Variants in SGCZ observed in about 807,000 individuals in gnomAD.
SGCZ encodes the protein sarcoglycan zeta.
Under a neutral mutation model 41.3 loss-of-function variants are expected in SGCZ, and 40 were observed. The ratio of observed to expected loss-of-function variants is 0.97; its 90% CI spans 0.75 to 1.26. SGCZ has a LOEUF of 1.26. Ranked by LOEUF, SGCZ falls within the 50% of genes most tolerant of loss-of-function variation. The pLI, the probability that SGCZ is intolerant of heterozygous loss-of-function variation, is 0.00. For synonymous variants in SGCZ, 206 were observed against 137.5 expected (o/e 1.50, Z -3.49); for missense variants, 552 against 369.8 (o/e 1.49, Z -4.04).
chr8:14,274,491 G>T (rs1274772480), intron 3 of SGCZ, among the ~76,000 whole-genome samples: 1 of 152,126 alleles, frequency 6.6e-6, no homozygotes, highest in East Asian at 1.9e-4. Flanking sequence ...ACAAGTTTAG[G>T]TTATAAAGAA....
chr8:14,231,593 G>C (rs1806574354), intron 4 of SGCZ, among the ~76,000 whole-genome samples: 1 of 151,720 alleles, frequency 6.6e-6, no homozygotes, highest in African/African-American at 2.4e-5. Flanking sequence ...CAATAAACAT[G>C]CTCTGTTCAT....
intron 2 of SGCZ, among the ~76,000 whole-genome samples, chr8:14,551,269 G>A (rs1803800502): frequency 1.4e-5 from 2 of 143,760 alleles, no homozygotes; most frequent in Non-Finnish European, 3.0e-5. Context: ...GAGTGTTGAC[G>A]CTAGAAAAGA....
At chr8:14,643,659 T>A (rs1807100319) in intron 1 of SGCZ, among the ~76,000 whole-genome samples, 2 of 151,688 alleles carry the variant, frequency 1.3e-5, no homozygotes, top group South Asian at 2.1e-4. Context: ...AACAGGAGCA[T>A]CACTAAAAGT....
In SGCZ at chr8:14,360,916, G is replaced by C. The variant is rs549890295; in HGVS notation, c.235-36712C>G. Among the ~76,000 whole-genome samples, 13 of 152,220 alleles carry C rather than the reference G, an allele frequency of 8.5e-5. No individual in the cohort carries two copies. In the South Asian group the frequency reaches 2.5e-3, roughly 29 times the overall value. ...TTCCACATTCTCACCAACAAGGGAC[G>C]AGTGATCTAGTTTTTCCGCAAGCTC... is the stretch of plus-strand genomic sequence containing the variant. On this transcript the variant is annotated intron_variant, in intron 2 of 7. Transcript: ENST00000382080.
chr8:14,585,092 T>G (rs1407271057), intron 1 of SGCZ, among the ~76,000 whole-genome samples: 2 of 152,218 alleles, frequency 1.3e-5, no homozygotes, highest in African/African-American at 2.4e-5. Context: ...TCTGAAAAGG[T>G]CAATACTTAA....
chr8:15,178,388 T>G (rs1241561331), intron 1 of SGCZ, among the ~76,000 whole-genome samples: 1 of 152,090 alleles, frequency 6.6e-6, no homozygotes, highest in African/African-American at 2.4e-5. Flanking sequence ...CCCATTTAAT[T>G]TCTCTAAGCC....
chr8:15,114,221 G>C (rs1162331544), intron 1 of SGCZ, among the ~76,000 whole-genome samples: 1 of 152,136 alleles, frequency 6.6e-6, no homozygotes, highest in Non-Finnish European at 1.5e-5. Context: ...TAATCATTTT[G>C]TAGGTAAAAG....
chr8:14,935,408 G>T (rs1426782675), intron 1 of SGCZ, among the ~76,000 whole-genome samples: 1 of 151,604 alleles, frequency 6.6e-6, no homozygotes, highest in Admixed American at 6.6e-5. Context: ...CCTGTTGAAG[G>T]ACATCTGGGT....
intron 1 of SGCZ, among the ~76,000 whole-genome samples, chr8:15,087,240 C>T (rs565080215): frequency 3.1e-4 from 47 of 152,098 alleles, no homozygotes; most frequent in Admixed American, 5.2e-4. Context: ...TAGTAAAGTT[C>T]GACCAAAATC....
At chr8:15,130,531 G>C (rs1807858769) in intron 1 of SGCZ, among the ~76,000 whole-genome samples, 2 of 152,180 alleles carry the variant, frequency 1.3e-5, no homozygotes, top group African/African-American at 4.8e-5. Context: ...AAGCTAAACA[G>C]TTTTTAGAAA....
intron 2 of SGCZ, among the ~76,000 whole-genome samples, chr8:14,493,943 C>T (rs986525430): frequency 1.3e-5 from 2 of 152,088 alleles, no homozygotes; most frequent in Non-Finnish European, 2.9e-5. Context: ...AGTACAAGTA[C>T]TAATTCAGCC....
At chr8:14,593,131 C>T (rs777277423) in intron 1 of SGCZ, among the ~76,000 whole-genome samples, 3 of 152,106 alleles carry the variant, frequency 2.0e-5, no homozygotes, top group Non-Finnish European at 2.9e-5. Flanking sequence ...AACCTATGAA[C>T]ATGTTACTTT....
intron 1 of SGCZ, among the ~76,000 whole-genome samples, chr8:14,571,190 G>C (rs1306469260): frequency 6.6e-6 from 1 of 152,084 alleles, no homozygotes; most frequent in Non-Finnish European, 1.5e-5. Context: ...GATAGCAGGG[G>C]AAACCGCCAC....
intron 1 of SGCZ, among the ~76,000 whole-genome samples, chr8:15,139,485 G>A (rs977887640): frequency 2.0e-5 from 3 of 151,968 alleles, no homozygotes; most frequent in African/African-American, 7.3e-5. Flanking sequence ...TACTGCTATT[G>A]CAATTGCATT....
At chr8:15,090,096 CAA>C (rs2131060887) in intron 1 of SGCZ, among the ~76,000 whole-genome samples, 1 of 152,228 alleles carries the variant, frequency 6.6e-6, no homozygotes, top group South Asian at 2.1e-4. Flanking sequence ...CAGTTACTGA[CAA>C]AGTGCCTTAA....
intron 1 of SGCZ, among the ~76,000 whole-genome samples, chr8:14,915,306 T>TA (rs1280938241): frequency 6.6e-6 from 1 of 152,104 alleles, no homozygotes; most frequent in African/African-American, 2.4e-5. Flanking sequence ...ACTCTAGAAA[T>TA]AAAACCTAGT....
chr8:15,087,165 G>A (rs1457171792), intron 1 of SGCZ, among the ~76,000 whole-genome samples: 1 of 152,028 alleles, frequency 6.6e-6, no homozygotes, highest in East Asian at 1.9e-4. Context: ...TGACTATAGA[G>A]ATTAAAGGTA....
intron 1 of SGCZ, among the ~76,000 whole-genome samples, chr8:14,749,205 A>C (rs1298685620): frequency 6.6e-6 from 1 of 152,152 alleles, no homozygotes; most frequent in East Asian, 1.9e-4. Flanking sequence ...CTGATTTATT[A>C]TTTTTATTTG....
chr8:14,301,099 T>C (rs1801170826), intron 3 of SGCZ, among the ~76,000 whole-genome samples: 1 of 130,940 alleles, frequency 7.6e-6, no homozygotes, highest in African/African-American at 2.8e-5. Flanking sequence ...TCATCATCAA[T>C]TATCCCTATC....
Sources: allele counts gnomAD v4.1 joint callset (sites outside exome capture counted in the v4.1 genomes callset), GRCh38; gene constraint gnomAD v4.1.1; transcripts MANE v1.5; gene names NCBI Gene and HGNC (gene_info 2026-07-23, HGNC 2026-07-21).